NFIA: variants seen among roughly 807,000 people sequenced by gnomAD.
NFIA encodes nuclear factor I A, also known as nuclear factor 1 A-type.
In NFIA, 8 loss-of-function variants were observed where a neutral mutation model predicts 62.8. The observed-to-expected ratio is 0.13, with a 90% CI of 0.07 to 0.23. NFIA has a LOEUF of 0.23. NFIA is among the 10% of genes least tolerant of loss of function. NFIA has a pLI of 1.00. For missense variants in NFIA, 410 were observed against 642.1 expected (o/e 0.64, Z 3.91); for synonymous variants, 235 against 238.1 (o/e 0.99, Z 0.12).
chr1:61,079,616 G>T (rs1247961403), upstream of NFIA, among the ~76,000 whole-genome samples: 1 of 152,086 alleles, frequency 6.6e-6, no homozygotes, highest in South Asian at 2.1e-4. Flanking sequence ...TTCCAATAAG[G>T]GGTTTATCCT....
chr1:61,286,425 C>A (rs1347867295), intron 3 of NFIA, among the ~76,000 whole-genome samples: 15 of 101,238 alleles, frequency 1.5e-4, no homozygotes, highest in Non-Finnish European at 5.7e-5. Context: ...GAGACTCTGT[C>A]TCAAAAAAAA....
In NFIA at chr1:61,360,824, C is replaced by A. The variant is rs1050150847; in HGVS notation, c.946+1550C>A. Among the ~76,000 whole-genome samples, 4 of 152,318 alleles carry A rather than the reference C, an allele frequency of 2.6e-5. No homozygotes were observed. The South Asian group carries it at 8.3e-4, about 32-fold the overall frequency. ...AATTTTACTGTATCATAATTAAACA[C>A]AAAACAAAAACACCTCAGGCCCATT... is the stretch of plus-strand genomic sequence containing the variant. On this transcript the variant is annotated intron_variant, in intron 6 of 10. Coordinates refer to ENST00000403491, the MANE Select transcript of NFIA (RefSeq NM_001134673.4).
At chr1:61,454,161 C>CTTAA (rs1668197947) in intron 10 of NFIA, among the ~76,000 whole-genome samples, 1 of 152,208 alleles carries the variant, frequency 6.6e-6, no homozygotes, top group Non-Finnish European at 1.5e-5. Context: ...CTTTCTGATA[C>CTTAA]CGTCAACTTA....
Position 61,459,257 on chromosome 1 carries a change from T to C in NFIA, c.*3937T>C, listed in dbSNP as rs1045329717. On this transcript the variant is annotated 3_prime_UTR_variant, in exon 11 of 11. Coordinates refer to ENST00000403491, the MANE Select transcript of NFIA (RefSeq NM_001134673.4). ...TGGGCAAAGATGAGTCCCTCAAATT[T>C]CTGTGTTTTTTGTTTGTTTGTTTGT... 6.7e-6 allele frequency: 1 copy of C among 149,402 alleles called. No individual in the cohort carries two copies. The highest frequency in any genetic ancestry group is 2.6e-5 in the African/African-American group (1 of 38,632). 9.3% of individuals were successfully genotyped at this position (149,402 alleles called of 1,614,324 possible). A position where few individuals can be genotyped will look rare whatever the true frequency, so the allele number is the denominator to read the frequency against.
chr1:61,222,694 A>G (rs1654094038), intron 2 of NFIA, among the ~76,000 whole-genome samples: 1 of 152,084 alleles, frequency 6.6e-6, no homozygotes, highest in South Asian at 2.1e-4. Context: ...GCTTTATAGA[A>G]CTTTAAAAAT....
At chr1:61,221,568 G>T (rs995614170) in intron 2 of NFIA, among the ~76,000 whole-genome samples, 1 of 152,064 alleles carries the variant, frequency 6.6e-6, no homozygotes, top group African/African-American at 2.4e-5. Flanking sequence ...AATCCAAATC[G>T]TTGATAGTTT....
At chr1:61,082,052 G>A (rs992223479), upstream of NFIA, 5 of 1,546,934 alleles carry the variant, frequency 3.2e-6, no homozygotes, top group African/African-American at 4.1e-5. Flanking sequence ...ACCGAGGTCC[G>A]CGGAGGTCTG....
Position 61,444,398 on chromosome 1 carries a change from G to A in NFIA, c.1513-10905G>A, listed in dbSNP as rs1418717681. On this transcript the variant is annotated intron_variant, in intron 10 of 10. Coordinates refer to ENST00000403491, the MANE Select transcript of NFIA (RefSeq NM_001134673.4). ...CGTAGCCTCTGAGTCTGAAATGCCT[G>A]AGAAAGCAGTCCAGATTCCAACTGT... Among the ~76,000 whole-genome samples, 3 of 152,294 alleles carry A rather than the reference G, an allele frequency of 2.0e-5. No homozygotes were observed. The East Asian group carries it at 5.8e-4, about 29-fold the overall frequency.
chr1:61,212,027 T>G (rs1570389465), intron 2 of NFIA, among the ~76,000 whole-genome samples: 1 of 152,356 alleles, frequency 6.6e-6, no homozygotes, highest in Admixed American at 6.5e-5. Flanking sequence ...TTCATGAGTC[T>G]TATGCGCTTA....
At chr1:61,189,278 A>T (rs1651438515) in intron 2 of NFIA, among the ~76,000 whole-genome samples, 1 of 152,046 alleles carries the variant, frequency 6.6e-6, no homozygotes, top group African/African-American at 2.4e-5. Context: ...TAGGGCAGTG[A>T]CTCTTGCCCT....
In NFIA at chr1:61,422,893, G is replaced by A. The variant is rs139740555; in HGVS notation, c.1421-3572G>A. Among the ~76,000 whole-genome samples the A allele has an allele frequency of 1.7e-4, 26 of 152,096 alleles. 1 individual carries two copies. The highest frequency in any genetic ancestry group is 3.2e-4 in the Non-Finnish European group (22 of 68,006). ...GCCCTGTCAAACTATTGTTCATAAA[G>A]AGAGAACTGTTCTTGAGCCATTCCC... On this transcript the variant is annotated intron_variant, in intron 9 of 10. Coordinates refer to ENST00000403491, the MANE Select transcript of NFIA (RefSeq NM_001134673.4).
intron 6 of NFIA, among the ~76,000 whole-genome samples, chr1:61,380,623 A>C (rs1664368056): frequency 6.6e-6 from 1 of 152,192 alleles, no homozygotes; most frequent in Non-Finnish European, 1.5e-5. Context: ...CAAAACATAC[A>C]TTATGTATGT....
intron 2 of NFIA, among the ~76,000 whole-genome samples, chr1:61,107,909 T>C (rs955453984): frequency 6.6e-6 from 1 of 151,624 alleles, no homozygotes; most frequent in Non-Finnish European, 1.5e-5. Flanking sequence ...ATTGAATAAT[T>C]TCTCTATTCC....
At chr1:61,199,020 C>T (rs1460501685) in intron 2 of NFIA, among the ~76,000 whole-genome samples, 11 of 152,156 alleles carry the variant, frequency 7.2e-5, no homozygotes, top group Non-Finnish European at 1.5e-4. Flanking sequence ...CCAATTCTCT[C>T]ACCTCCCATT....
intron 2 of NFIA, among the ~76,000 whole-genome samples, chr1:61,194,428 G>A (rs1651856713): frequency 6.6e-6 from 1 of 152,300 alleles, no homozygotes; most frequent in South Asian, 2.1e-4. Flanking sequence ...CAAGCATCAT[G>A]TCTTTGCCTT....
At chr1:61,329,771 A>G (rs1225571370) in intron 3 of NFIA, among the ~76,000 whole-genome samples, 1 of 152,218 alleles carries the variant, frequency 6.6e-6, no homozygotes, top group Non-Finnish European at 1.5e-5. Flanking sequence ...GGTACTCCGT[A>G]GACATTTATT....
chr1:61,417,669 G>A (rs55914812), intron 9 of NFIA, among the ~76,000 whole-genome samples: 9,162 of 151,898 alleles, frequency 0.06, 899 homozygotes, highest in African/African-American at 0.21. Context: ...GAGAAGTTTG[G>A]GTGTTATCTT....
At chr1:61,161,375 CA>C (rs768837211) in intron 2 of NFIA, among the ~76,000 whole-genome samples, 42 of 152,200 alleles carry the variant, frequency 2.8e-4, no homozygotes, top group Non-Finnish European at 1.0e-4. Flanking sequence ...TGAGGTCTAA[CA>C]ACTTCTGTTC....
chr1:61,358,379 CTTTTTTTTTTTTTTTTT>C (rs34853369), intron 5 of NFIA, among the ~76,000 whole-genome samples: 1 of 52,616 alleles, frequency 1.9e-5, no homozygotes, highest in Non-Finnish European at 3.2e-5. Context: ...TTCTTTCTTT[CTTTTTTTTTTTTTTTTT>C]TTTTTTTTGA....
Sources: gnomAD v4.1 joint callset for allele counts (sites outside exome capture counted in the v4.1 genomes callset) on GRCh38, gnomAD v4.1.1 for gene constraint, MANE v1.5 for transcripts, NCBI Gene and HGNC (gene_info 2026-07-23, HGNC 2026-07-21) for gene names.